DLGAP1: variants seen among roughly 807,000 people sequenced by gnomAD.
The protein encoded by DLGAP1 is DLG associated protein 1, also known as disks large-associated protein 1.
DLGAP1 carries 11 observed loss-of-function variants against 90.8 expected under a neutral mutation model. The ratio of observed to expected loss-of-function variants is 0.12; its 90% CI spans 0.08 to 0.20. DLGAP1 has a LOEUF of 0.20. Ranked by LOEUF, DLGAP1 falls within the 10% of genes least tolerant of loss-of-function variation. DLGAP1 has a pLI of 1.00. For missense variants in DLGAP1, 1,050 were observed against 1,333.8 expected (o/e 0.79, Z 3.31); for synonymous variants, 558 against 540.7 (o/e 1.03, Z -0.44).
At chr18:3,754,723 CAAAAAAAA>C (rs1161245616) in intron 5 of DLGAP1, among the ~76,000 whole-genome samples, 3 of 58,768 alleles carry the variant, frequency 5.1e-5, no homozygotes, top group African/African-American at 1.6e-4. Flanking sequence ...TACTAAAATA[CAAAAAAAA>C]AAAAAAAAAA....
In DLGAP1 at chr18:3,820,119, C is replaced by T. The variant is rs1260627035; in HGVS notation, c.958-5846G>A. 3.3e-5 allele frequency among the ~76,000 whole-genome samples: 5 copies of T among 152,180 alleles called. No homozygotes were observed. The East Asian group carries it at 9.7e-4, about 29-fold the overall frequency. ...TGATTGAGAGATGAAGCCATGTGCA[C>T]GTGACTCTTTGAGAGCGGATTATCT... On this transcript the variant is annotated intron_variant, in intron 4 of 12. Transcript: ENST00000315677.
rs577461075 is a variant in DLGAP1 at position 3,777,493 on chromosome 18, G to T, written c.1173-34981C>A. 3.3e-5 allele frequency among the ~76,000 whole-genome samples: 5 copies of T among 152,260 alleles called. No individual in the cohort carries two copies. In the East Asian group the frequency reaches 9.6e-4, roughly 29 times the overall value. On this transcript the variant is annotated intron_variant, in intron 5 of 12. Transcript: ENST00000315677. ...GTGGCTGGAGAGAAGGGAGCGATGG[G>T]TTATATAAGTTTATATCTTAAAATA...
At chr18:3,709,039 C>G (rs555307770) in intron 7 of DLGAP1, among the ~76,000 whole-genome samples, 1 of 152,306 alleles carries the variant, frequency 6.6e-6, no homozygotes, top group South Asian at 2.1e-4. Context: ...TTAATTTATT[C>G]AACAAATATT....
At chr18:4,243,329 T>C (rs760176751) in intron 1 of DLGAP1, among the ~76,000 whole-genome samples, 8 of 152,326 alleles carry the variant, frequency 5.3e-5, no homozygotes, top group Non-Finnish European at 1.2e-4. Context: ...ATAAGTCTGA[T>C]TGCTATAATC....
intron 1 of DLGAP1, among the ~76,000 whole-genome samples, chr18:4,297,879 C>T (rs2080024197): frequency 6.6e-6 from 1 of 152,130 alleles, no homozygotes; most frequent in South Asian, 2.1e-4. Context: ...TCCCATGATG[C>T]AAACCTAATG....
intron 1 of DLGAP1, among the ~76,000 whole-genome samples, chr18:4,422,103 G>A (rs1342955161): frequency 3.3e-5 from 5 of 152,030 alleles, no homozygotes; most frequent in Non-Finnish European, 5.9e-5. Context: ...TGTGTTCACC[G>A]CAGTCTTTTT....
chr18:4,334,823 G>T (rs1188413559), intron 1 of DLGAP1, among the ~76,000 whole-genome samples: 1 of 151,820 alleles, frequency 6.6e-6, no homozygotes, highest in Non-Finnish European at 1.5e-5. Flanking sequence ...CTTTGAGTTT[G>T]ACTTTATTTA....
At chr18:4,411,904 C>T (rs974506545) in intron 1 of DLGAP1, among the ~76,000 whole-genome samples, 8 of 152,106 alleles carry the variant, frequency 5.3e-5, no homozygotes, top group Admixed American at 1.3e-4. Flanking sequence ...ATCACTTCTG[C>T]CACATTTGAT....
At position 3,963,281 on chromosome 18, in the gene DLGAP1, A is replaced by AC. The variant is rs5822776; in HGVS notation, c.-73+41834dup. Among the ~76,000 whole-genome samples the AC allele has an allele frequency of 3.9e-5, 6 of 152,150 alleles. No homozygotes were observed. In the East Asian group the frequency reaches 5.8e-4, roughly 15 times the overall value. ...AAGGCTCCATTTCATTGCCCCCCTCACCCCCCAGGGTTCTACTCTGCTTCT... is the reference window on the plus strand; with the variant it reads ...AAGGCTCCATTTCATTGCCCCCCTCACCCCCCCAGGGTTCTACTCTGCTTCT... On this transcript the variant is annotated intron_variant, in intron 3 of 12. Coordinates refer to ENST00000315677, the MANE Select transcript of DLGAP1 (RefSeq NM_004746.4).
intron 7 of DLGAP1, among the ~76,000 whole-genome samples, chr18:3,723,071 A>T (rs1037151925): frequency 2.0e-5 from 3 of 152,312 alleles, no homozygotes; most frequent in African/African-American, 7.2e-5. Flanking sequence ...TAGGTGCAGC[A>T]GACTTTCTCT....
At chr18:3,905,668 C>T (rs746917859) in intron 3 of DLGAP1, among the ~76,000 whole-genome samples, 5 of 152,180 alleles carry the variant, frequency 3.3e-5, no homozygotes, top group South Asian at 2.1e-4. Flanking sequence ...TGAGACAATG[C>T]GATAGGCCCC....
chr18:4,451,718 C>T (rs909001262), intron 1 of DLGAP1, among the ~76,000 whole-genome samples: 7 of 152,100 alleles, frequency 4.6e-5, no homozygotes, highest in South Asian at 4.1e-4. Flanking sequence ...GAACTAGTAG[C>T]ACTTAGGATC....
At chr18:3,782,366 A>T (rs1331517417) in intron 5 of DLGAP1, among the ~76,000 whole-genome samples, 1 of 152,152 alleles carries the variant, frequency 6.6e-6, no homozygotes, top group Non-Finnish European at 1.5e-5. Context: ...CGAACTCCTG[A>T]CCTCAAGTGA....
intron 4 of DLGAP1, chr18:3,845,167 C>T (rs1192587263): frequency 1.2e-5 from 19 of 1,582,928 alleles, no homozygotes; most frequent in Admixed American, 1.7e-5. Context: ...TAGATTAGCA[C>T]AGAAATCAAG....
In DLGAP1 at chr18:4,348,400, A is replaced by ATGTGTATG. The variant is rs71368742; in HGVS notation, c.-267+106605_-267+106606insCATACACA. ...CAGGTGCCTCAGGATGAACTCAGGA[A>ATGTGTATG]TGTGTGTGTGTGTGTGTGTGTGTGT... On this transcript the variant is annotated intron_variant, in intron 1 of 12. Coordinates refer to ENST00000315677, the MANE Select transcript of DLGAP1 (RefSeq NM_004746.4). 1.8e-3 allele frequency among the ~76,000 whole-genome samples: 234 copies of ATGTGTATG among 133,562 alleles called. 2 individuals are homozygous for ATGTGTATG. The highest frequency in any genetic ancestry group is 5.7e-3 in the African/African-American group (187 of 32,716). The allele number at this position is 133,562 out of a possible 152,430, so 87.6% of individuals were successfully genotyped here.
chr18:4,130,191 T>C (rs773676810), intron 2 of DLGAP1, among the ~76,000 whole-genome samples: 6 of 152,204 alleles, frequency 3.9e-5, no homozygotes, highest in Non-Finnish European at 8.8e-5. Flanking sequence ...AAAAGTTTCA[T>C]GTACTCTAAC....
chr18:4,053,324 G>A (rs1245550270), intron 2 of DLGAP1, among the ~76,000 whole-genome samples: 1 of 152,150 alleles, frequency 6.6e-6, no homozygotes, highest in African/African-American at 2.4e-5. Flanking sequence ...AAGGAGAAGT[G>A]CAGAGTGAAG....
intron 1 of DLGAP1, among the ~76,000 whole-genome samples, chr18:4,341,691 A>G (rs895739713): frequency 6.6e-6 from 1 of 152,116 alleles, no homozygotes; most frequent in African/African-American, 2.4e-5. Context: ...ACAGACTATC[A>G]AGAAGTAGGA....
intron 1 of DLGAP1, among the ~76,000 whole-genome samples, chr18:4,447,102 T>C (rs2083686256): frequency 6.6e-6 from 1 of 152,236 alleles, no homozygotes; most frequent in South Asian, 2.1e-4. Flanking sequence ...CAACCATTTT[T>C]GGTAATTTGC....
Sources: gnomAD v4.1 joint callset for allele counts (sites outside exome capture counted in the v4.1 genomes callset) on GRCh38, gnomAD v4.1.1 for gene constraint, MANE v1.5 for transcripts, NCBI Gene and HGNC (gene_info 2026-07-23, HGNC 2026-07-21) for gene names.